Variants in SLC22A14 observed in about 807,000 individuals in gnomAD.
SLC22A14 encodes the protein solute carrier family 22 member 14.
A neutral mutation model predicts 53.9 loss-of-function variants in SLC22A14; 50 were observed. The ratio of observed to expected loss-of-function variants is 0.93; its 90% CI spans 0.74 to 1.17. SLC22A14 has a LOEUF of 1.17. SLC22A14 is among the 50% of genes most tolerant of loss of function. The pLI is 0.00. For synonymous variants in SLC22A14, 312 were observed against 303.0 expected (o/e 1.03, Z -0.31); for missense variants, 671 against 734.7 (o/e 0.91, Z 1.00).
intron 1 of SLC22A14, among the ~76,000 whole-genome samples, chr3:38,289,561 G>T: frequency 6.6e-6 from 1 of 152,198 alleles, no homozygotes; most frequent in East Asian, 1.9e-4. Context: ...TGCGGTGAAT[G>T]TTATAGCTCT....
intron 1 of SLC22A14, among the ~76,000 whole-genome samples, chr3:38,295,786 G>C (rs1200413030): frequency 1.4e-5 from 2 of 144,072 alleles, no homozygotes; most frequent in Non-Finnish European, 3.0e-5. Context: ...GTCTCTGTCT[G>C]TCTCTCTCTC....
intron 1 of SLC22A14, among the ~76,000 whole-genome samples, chr3:38,302,292 A>G (rs1206400887): frequency 6.9e-6 from 1 of 144,646 alleles, no homozygotes; most frequent in Non-Finnish European, 1.5e-5. Flanking sequence ...ATATATATTT[A>G]TATATACACA....
Position 38,313,960 on chromosome 3 carries a change from C to T in SLC22A14, c.1378+19C>T. On this transcript the variant is annotated intron_variant, in intron 8 of 10. Coordinates refer to ENST00000448498, the MANE Select transcript of SLC22A14 (RefSeq NM_001320033.2). ...CCTGAAGGTACAGCTCATCCTTCCC[C>T]TGTGGCCTGCCCACAGCCTTCCTGC... is the stretch of plus-strand genomic sequence containing the variant. 6.2e-7 allele frequency: 1 copy of T among 1,603,318 alleles called. No individual in the cohort carries two copies. The highest frequency in any genetic ancestry group is 1.1e-5 in the South Asian group (1 of 90,864).
chr3:38,291,600 C>T (rs1402530376), intron 1 of SLC22A14, among the ~76,000 whole-genome samples: 1 of 152,220 alleles, frequency 6.6e-6, no homozygotes, highest in Non-Finnish European at 1.5e-5. Context: ...TGAGGCCAAC[C>T]TTTTGCCACT....
intron 2 of SLC22A14, 96 bp downstream of exon 2, chr3:38,306,638 T>C: frequency 7.9e-7 from 1 of 1,264,192 alleles, no homozygotes; most frequent in East Asian, 2.3e-5. Context: ...AGCTCAGAGA[T>C]GGGAAGCCAT....
chr3:38,305,958 C>A (rs1038720553), intron 1 of SLC22A14, 69 bp from the exon 2 acceptor site: 2 of 1,497,502 alleles, frequency 1.3e-6, no homozygotes, highest in African/African-American at 2.8e-5. Context: ...GTCGGTGGCT[C>A]CCATGCTGGT....
chr3:38,311,544 G>A (rs1293090821), intron 5 of SLC22A14, among the ~76,000 whole-genome samples: 9 of 152,116 alleles, frequency 5.9e-5, no homozygotes, highest in Non-Finnish European at 1.3e-4. Context: ...ATTCTAATTT[G>A]TTTCTCTCTT....
intron 1 of SLC22A14, among the ~76,000 whole-genome samples, chr3:38,296,230 G>C (rs1050388226): frequency 1.3e-5 from 2 of 152,188 alleles, no homozygotes; most frequent in Non-Finnish European, 2.9e-5. Context: ...ATCTCAACAG[G>C]CTAATGCTGG....
chr3:38,284,898 A>T (rs1703756253), intron 1 of SLC22A14, among the ~76,000 whole-genome samples: 1 of 152,168 alleles, frequency 6.6e-6, no homozygotes. Context: ...TGGACTCTGA[A>T]ATGGGTTGCT....
At chr3:38,308,251 GAGA>G (rs932297689) in intron 4 of SLC22A14, 325 of 157,296 alleles carry the variant, frequency 2.1e-3, no homozygotes, top group Middle Eastern at 6.0e-3. Flanking sequence ...GGAGGAGGAG[GAGA>G]AGAAGAAGAA....
rs747447735 is a variant in SLC22A14 at position 38,313,690 on chromosome 3, G to GCGCGCGCGCGCA, written c.1164-35_1164-34insCGCGCGCGCACG. ...TATTCCTGGCTCCGTGTGTGTGCGC[G>GCGCGCGCGCGCA]CGTGTGCACGCGCACTTGCCTCCTG... On this transcript the variant is annotated intron_variant, in intron 7 of 10. Coordinates refer to ENST00000448498, the MANE Select transcript of SLC22A14 (RefSeq NM_001320033.2). 5 of 1,395,264 alleles carry GCGCGCGCGCGCA rather than the reference G, an allele frequency of 3.6e-6. No homozygotes were observed. The African/African-American group carries it at 7.0e-5, about 19-fold the overall frequency. 86.4% of individuals were successfully genotyped at this position (1,395,264 alleles called of 1,614,324 possible). A position where few individuals can be genotyped will look rare whatever the true frequency, so the allele number is the denominator to read the frequency against.
intron 1 of SLC22A14, among the ~76,000 whole-genome samples, chr3:38,286,426 T>C (rs902295353): frequency 1.9e-4 from 29 of 151,910 alleles, no homozygotes; most frequent in Admixed American, 6.6e-4. Context: ...CTTTTCTTTT[T>C]TTTTTTTTTA....
intron 1 of SLC22A14, among the ~76,000 whole-genome samples, chr3:38,289,220 A>G (rs1703857451): frequency 6.6e-6 from 1 of 151,734 alleles, no homozygotes; most frequent in Non-Finnish European, 1.5e-5. Flanking sequence ...AAAAAAATGA[A>G]CACAGACTTC....
intron 10 of SLC22A14, 110 bp from the exon 11 acceptor site, chr3:38,318,088 C>G: frequency 2.1e-6 from 2 of 966,884 alleles, no homozygotes; most frequent in Non-Finnish European, 3.3e-6. Flanking sequence ...AGTGAGAAAG[C>G]CTCACCTCTT....
chr3:38,308,654 A>T (rs1704381901), intron 4 of SLC22A14, among the ~76,000 whole-genome samples: 2 of 152,232 alleles, frequency 1.3e-5, no homozygotes, highest in African/African-American at 2.4e-5. Context: ...CGTGTCTGGT[A>T]TTGCGTCTTT....
At chr3:38,295,951 C>T (rs981800470) in intron 1 of SLC22A14, among the ~76,000 whole-genome samples, 1 of 150,122 alleles carries the variant, frequency 6.7e-6, no homozygotes, top group Admixed American at 6.6e-5. Flanking sequence ...AGGGACAAGA[C>T]TCCCTGGGTT....
chr3:38,304,259 T>C (rs1038352316), intron 1 of SLC22A14, among the ~76,000 whole-genome samples: 5 of 152,132 alleles, frequency 3.3e-5, no homozygotes, highest in Non-Finnish European at 7.4e-5. Flanking sequence ...TTGTTATCTC[T>C]ATAATTACCT....
intron 1 of SLC22A14, among the ~76,000 whole-genome samples, chr3:38,292,491 G>A (rs1243278377): frequency 6.6e-6 from 1 of 152,150 alleles, no homozygotes. Flanking sequence ...AACCTCCACT[G>A]TCTGTTGGGT....
intron 1 of SLC22A14, among the ~76,000 whole-genome samples, chr3:38,289,721 G>A (rs1167323385): frequency 6.6e-6 from 1 of 152,238 alleles, no homozygotes. Context: ...ACTGGATCAG[G>A]AGCAGAGCAG....
Sources: allele counts gnomAD v4.1 joint callset (sites outside exome capture counted in the v4.1 genomes callset), GRCh38; gene constraint gnomAD v4.1.1; transcripts MANE v1.5; gene names NCBI Gene and HGNC (gene_info 2026-07-23, HGNC 2026-07-21).